The following OR6N1 variants were observed in gnomAD, a reference collection of about 807,000 sequenced individuals.
OR6N1 encodes the protein olfactory receptor family 6 subfamily N member 1.
For synonymous variants in OR6N1, 170 were observed against 150.7 expected, an observed-to-expected ratio of 1.13 and a Z score of -0.94; for missense variants, 394 against 371.7, an observed-to-expected ratio of 1.06 and a Z score of -0.49.
the OR6N1 span, among the ~76,000 whole-genome samples, chr1:158,789,923 C>T: frequency 5.9e-5 from 9 of 152,200 alleles, no homozygotes; most frequent in Non-Finnish European, 1.0e-4. Context: ...GGCCAATGCC[C>T]TGAAGTATTT....
the OR6N1 span, among the ~76,000 whole-genome samples, chr1:158,817,431 T>C: frequency 4.6e-5 from 7 of 152,294 alleles, no homozygotes; most frequent in Non-Finnish European, 7.4e-5. Flanking sequence ...AAAGAGGGCA[T>C]AGGAAATAGC....
At chr1:158,798,417 A>G in the OR6N1 span, among the ~76,000 whole-genome samples, 1 of 151,694 alleles carries the variant, frequency 6.6e-6, no homozygotes, top group South Asian at 2.1e-4. Context: ...TTGAAATTAT[A>G]CTTTTTGTTA....
rs1288322635 is a variant in OR6N1 at position 158,765,655 on chromosome 1, T to C, written c.*89A>G. 14 of 1,101,410 alleles carry C rather than the reference T, an allele frequency of 1.3e-5. No homozygotes were observed. The highest frequency in any genetic ancestry group is 1.6e-5 in the Non-Finnish European group (12 of 753,992). 68.2% of individuals were successfully genotyped at this position (1,101,410 alleles called of 1,614,324 possible). ...TCCACCACCCCACATAGAAAAGCAC[T>C]GAATTTTTAGTTTCTCGTCTCTGGC... On this transcript the variant is annotated 3_prime_UTR_variant, in exon 2 of 2. Transcript: ENST00000641846.
chr1:158,791,282 G>T, the OR6N1 span, among the ~76,000 whole-genome samples: 1 of 151,848 alleles, frequency 6.6e-6, no homozygotes, highest in Non-Finnish European at 1.5e-5. Flanking sequence ...TATCCCAGAG[G>T]TTTTGATAAC....
At chr1:158,805,012 T>G in the OR6N1 span, among the ~76,000 whole-genome samples, 1 of 152,186 alleles carries the variant, frequency 6.6e-6, no homozygotes, top group Non-Finnish European at 1.5e-5. Flanking sequence ...ACACATAAGA[T>G]GAATTTTTGA....
the OR6N1 span, among the ~76,000 whole-genome samples, chr1:158,784,200 T>C: frequency 1.3e-4 from 20 of 152,222 alleles, no homozygotes; most frequent in Non-Finnish European, 2.5e-4. Context: ...GGCCAGATTC[T>C]TCTGTTATAG....
chr1:158,821,351 G>A, the OR6N1 span, among the ~76,000 whole-genome samples: 1 of 151,992 alleles, frequency 6.6e-6, no homozygotes, highest in Non-Finnish European at 1.5e-5. Context: ...TTATATTAAG[G>A]TTCACTCTTG....
In OR6N1 at chr1:158,766,690, C is replaced by T; in HGVS notation, c.-8G>A. On this transcript the variant is annotated 5_prime_UTR_variant, in exon 2 of 2. An upstream start codon of the reference 5' UTR is lost. Transcript: ENST00000641846. ...CCAGTTCCCTGTGTCCATTGCTCAC[C>T]ATTCATGTCCCTAGATGTGAAGTGT... is the stretch of plus-strand genomic sequence containing the variant. The T allele has an allele frequency of 1.3e-6, 2 of 1,595,542 alleles. No individual in the cohort carries two copies. Among genetic ancestry groups the T allele is most frequent in the Non-Finnish European group, 1.7e-6 (2 of 1,169,816 alleles).
At chr1:158,767,891 C>T (rs35462215) in intron 1 of OR6N1, among the ~76,000 whole-genome samples, 96,316 of 151,952 alleles carry the variant, frequency 0.63, 31,615 homozygotes, top group East Asian at 0.91. Flanking sequence ...CCATTAAAAC[C>T]TCCTTTCTCA....
At chr1:158,795,401 C>T in the OR6N1 span, among the ~76,000 whole-genome samples, 2 of 152,172 alleles carry the variant, frequency 1.3e-5, no homozygotes, top group African/African-American at 2.4e-5. Flanking sequence ...AGCTTCTGTG[C>T]CCATGTCTGT....
In OR6N1 at chr1:158,765,644, T is replaced by A; in HGVS notation, c.*100A>T. 1 of 983,116 alleles carries A rather than the reference T, an allele frequency of 1.0e-6. No homozygotes were observed. 60.9% of individuals were successfully genotyped at this position (983,116 alleles called of 1,614,324 possible). Reference sequence around the variant, plus strand: ...CTTGCTGCAGCTCCACCACCCCACATAGAAAAGCACTGAATTTTTAGTTTC... The same window carrying A: ...CTTGCTGCAGCTCCACCACCCCACAAAGAAAAGCACTGAATTTTTAGTTTC... On this transcript the variant is annotated 3_prime_UTR_variant, in exon 2 of 2. Coordinates refer to ENST00000641846, the MANE Select transcript of OR6N1 (RefSeq NM_001005185.2).
chr1:158,797,530 T>C, the OR6N1 span, among the ~76,000 whole-genome samples: 1 of 152,222 alleles, frequency 6.6e-6, no homozygotes, highest in African/African-American at 2.4e-5. Context: ...TGTTTGTTTT[T>C]TATTTTCTAT....
the OR6N1 span, chr1:158,777,419 A>T: frequency 6.2e-7 from 1 of 1,614,210 alleles, no homozygotes; most frequent in Non-Finnish European, 8.5e-7. Flanking sequence ...GTAGCTGTAT[A>T]CCACAACTCC....
chr1:158,786,210 G>T, the OR6N1 span, among the ~76,000 whole-genome samples: 6 of 151,960 alleles, frequency 3.9e-5, no homozygotes, highest in Non-Finnish European at 7.4e-5. Context: ...TCTCAAAAAA[G>T]AATACACAAA....
chr1:158,833,438 C>A, the OR6N1 span, among the ~76,000 whole-genome samples: 79 of 152,318 alleles, frequency 5.2e-4, no homozygotes, highest in African/African-American at 1.8e-3. Flanking sequence ...AACGCCTTTG[C>A]ATCTTGCAAA....
In OR6N1 at chr1:158,765,702, C is replaced by T; in HGVS notation, c.*42G>A. On this transcript the variant is annotated 3_prime_UTR_variant, in exon 2 of 2. Coordinates refer to ENST00000641846, the MANE Select transcript of OR6N1 (RefSeq NM_001005185.2). The stretch of plus-strand genomic sequence containing the variant: ...TGGCCACTGTTGATCCCTGGGGCCA[C>T]CATATCCTCAGGCCCGGCCTTGGCC... 1 of 1,506,582 alleles carries T rather than the reference C, an allele frequency of 6.6e-7. No individual in the cohort carries two copies. The highest frequency in any genetic ancestry group is 9.1e-7 in the Non-Finnish European group (1 of 1,094,702). The allele number at this position is 1,506,582 out of a possible 1,614,324, so 93.3% of individuals were successfully genotyped here. A position where few individuals can be genotyped will look rare whatever the true frequency, so the allele number is the denominator to read the frequency against.
chr1:158,768,656 C>G (rs1220555072), intron 1 of OR6N1, among the ~76,000 whole-genome samples: 1 of 152,206 alleles, frequency 6.6e-6, no homozygotes, highest in Non-Finnish European at 1.5e-5. Flanking sequence ...AGTGACATAT[C>G]ATTTAAAACC....
the OR6N1 span, chr1:158,831,180 G>A: frequency 3.3e-5 from 5 of 152,182 alleles, no homozygotes; most frequent in Admixed American, 1.3e-4. Flanking sequence ...TCAAAAAAGC[G>A]AAGAAGAGGC....
chr1:158,779,897 C>T, the OR6N1 span, among the ~76,000 whole-genome samples: 3 of 152,048 alleles, frequency 2.0e-5, no homozygotes, highest in Non-Finnish European at 4.4e-5. Context: ...GTCTGTCTTC[C>T]CCAAAAATTG....
Sources: gnomAD v4.1 joint callset for allele counts (sites outside exome capture counted in the v4.1 genomes callset) on GRCh38, gnomAD v4.1.1 for gene constraint, MANE v1.5 for transcripts, NCBI Gene and HGNC (gene_info 2026-07-23, HGNC 2026-07-21) for gene names.